Variants in SNTG1 observed in about 807,000 individuals in gnomAD.
SNTG1 encodes syntrophin gamma 1, also known as gamma-1-syntrophin.
A neutral mutation model predicts 74.7 loss-of-function variants in SNTG1; 39 were observed. The observed-to-expected ratio is 0.52, with a 90% CI of 0.40 to 0.68. SNTG1 has a LOEUF of 0.68. SNTG1 is among the 30% of genes least tolerant of loss of function. The pLI, the probability that SNTG1 is intolerant of heterozygous loss-of-function variation, is 0.00. For synonymous variants in SNTG1, 254 were observed against 217.1 expected, an observed-to-expected ratio of 1.17 and a Z score of -1.49; for missense variants, 685 against 609.5, an observed-to-expected ratio of 1.12 and a Z score of -1.30.
intron 2 of SNTG1, among the ~76,000 whole-genome samples, chr8:50,320,426 A>G (rs1040443546): frequency 2.0e-5 from 3 of 152,030 alleles, no homozygotes; most frequent in African/African-American, 7.2e-5. Context: ...GTCTGACTAC[A>G]GATTTGACAA....
chr8:50,435,033 T>C (rs1281081742), intron 4 of SNTG1, among the ~76,000 whole-genome samples: 2 of 152,158 alleles, frequency 1.3e-5, no homozygotes, highest in Admixed American at 6.6e-5. Context: ...ATATAGTTCA[T>C]ACAATCTTTC....
chr8:50,484,391 A>T (rs1465560827), intron 8 of SNTG1, among the ~76,000 whole-genome samples: 1 of 150,792 alleles, frequency 6.6e-6, no homozygotes, highest in African/African-American at 2.4e-5. Context: ...AATTTTTTGT[A>T]TTTAGTAGAG....
At chr8:49,918,767 A>G (rs1277932016) in intron 1 of SNTG1, among the ~76,000 whole-genome samples, 1 of 152,096 alleles carries the variant, frequency 6.6e-6, no homozygotes, top group Non-Finnish European at 1.5e-5. Context: ...TGCCAAAGGG[A>G]AAAACAATTC....
chr8:50,214,502 C>T (rs991471133), intron 2 of SNTG1, among the ~76,000 whole-genome samples: 1 of 151,590 alleles, frequency 6.6e-6, no homozygotes, highest in South Asian at 2.1e-4. Context: ...GTCAGAAAAC[C>T]ACTTTGGACT....
chr8:50,243,688 A>AT (rs34315710), intron 2 of SNTG1, among the ~76,000 whole-genome samples: 49,177 of 150,368 alleles, frequency 0.33, 8,460 homozygotes, highest in African/African-American at 0.45. Context: ...TAATTAATTA[A>AT]TTTTTTTTTT....
rs547521289 is a variant in SNTG1, at chr8:50,196,722, T to A, written c.-28+24087T>A. On this transcript the variant is annotated intron_variant, in intron 2 of 18. Transcript: ENST00000642720. ...TTGTAATCCCAGGACTTCGAGAAGC[T>A]GAGGCCGGTGGATCACTTGAGGTCA... Among the ~76,000 whole-genome samples the A allele has an allele frequency of 1.7e-4, 26 of 150,982 alleles. 1 individual carries two copies. Among genetic ancestry groups the A allele is most frequent in the African/African-American group, 6.3e-4 (26 of 41,114 alleles).
At chr8:50,692,039 A>T (rs951923036) in intron 15 of SNTG1, among the ~76,000 whole-genome samples, 1 of 152,058 alleles carries the variant, frequency 6.6e-6, no homozygotes, top group East Asian at 1.9e-4. Context: ...AGTTGATCTC[A>T]TCAGCTACTG....
In SNTG1 at chr8:50,788,870, G is replaced by A. The variant is rs540487769; in HGVS notation, c.1396-3801G>A. 2.7e-4 allele frequency among the ~76,000 whole-genome samples: 41 copies of A among 151,858 alleles called. No individual in the cohort carries two copies. The Middle Eastern group carries it at 0.014, about 50-fold the overall frequency. ...CTGCGGCCTCAGATCAATTGTCCAGGTTTCCATCCATGTCCAGCCTCTCCA... is the reference window on the plus strand; with the variant it reads ...CTGCGGCCTCAGATCAATTGTCCAGATTTCCATCCATGTCCAGCCTCTCCA... On this transcript the variant is annotated intron_variant, in intron 18 of 18. Coordinates refer to ENST00000642720, the MANE Select transcript of SNTG1 (RefSeq NM_018967.5).
intron 1 of SNTG1, among the ~76,000 whole-genome samples, chr8:50,011,000 T>G (rs563280625): frequency 6.6e-6 from 1 of 152,188 alleles, no homozygotes; most frequent in East Asian, 1.9e-4. Context: ...TGACTTACTG[T>G]GAATGAATAA....
intron 17 of SNTG1, among the ~76,000 whole-genome samples, chr8:50,721,692 C>A (rs952860871): frequency 6.6e-6 from 1 of 152,146 alleles, no homozygotes; most frequent in Non-Finnish European, 1.5e-5. Context: ...TGGAAAATGA[C>A]AGACTTAGTT....
At chr8:50,545,999 G>C (rs1563554252) in intron 11 of SNTG1, among the ~76,000 whole-genome samples, 1 of 152,086 alleles carries the variant, frequency 6.6e-6, no homozygotes, top group Non-Finnish European at 1.5e-5. Context: ...TGTATATTTT[G>C]GGGGATCTGA....
At chr8:50,582,610 G>T (rs955673095) in intron 12 of SNTG1, among the ~76,000 whole-genome samples, 1 of 151,942 alleles carries the variant, frequency 6.6e-6, no homozygotes, top group Non-Finnish European at 1.5e-5. Context: ...TTGAGGTACT[G>T]CAATTTTTCT....
At chr8:50,759,823 T>C (rs2095592733) in intron 18 of SNTG1, among the ~76,000 whole-genome samples, 1 of 152,144 alleles carries the variant, frequency 6.6e-6, no homozygotes, top group African/African-American at 2.4e-5. Context: ...GTCCTGGCTA[T>C]GTGGGCTCTT....
chr8:50,686,626 A>C (rs1464027303), intron 15 of SNTG1, among the ~76,000 whole-genome samples: 1 of 152,118 alleles, frequency 6.6e-6, no homozygotes, highest in Non-Finnish European at 1.5e-5. Flanking sequence ...GTAATGTTTT[A>C]TTTACAATTA....
At chr8:50,219,940 A>C (rs956234316) in intron 2 of SNTG1, among the ~76,000 whole-genome samples, 3 of 152,206 alleles carry the variant, frequency 2.0e-5, no homozygotes, top group Admixed American at 6.5e-5. Context: ...GAGATCAAAC[A>C]TGAAAGTTTA....
At chr8:50,766,400 A>C (rs2095614059) in intron 18 of SNTG1, among the ~76,000 whole-genome samples, 1 of 151,956 alleles carries the variant, frequency 6.6e-6, no homozygotes, top group Admixed American at 6.6e-5. Context: ...CTTACTGCTG[A>C]TTTGGGAATA....
intron 4 of SNTG1, among the ~76,000 whole-genome samples, chr8:50,431,279 G>T (rs1029816597): frequency 2.6e-5 from 4 of 152,128 alleles, no homozygotes; most frequent in Non-Finnish European, 4.4e-5. Flanking sequence ...GTCAATGTGG[G>T]TTTGTCAGTT....
intron 2 of SNTG1, among the ~76,000 whole-genome samples, chr8:50,267,538 G>T (rs1416115332): frequency 6.6e-6 from 1 of 152,144 alleles, no homozygotes; most frequent in Admixed American, 6.6e-5. Context: ...GAAAAAATTA[G>T]AATGCTCATC....
At chr8:50,467,534 C>T (rs1419819028) in intron 8 of SNTG1, among the ~76,000 whole-genome samples, 1 of 151,664 alleles carries the variant, frequency 6.6e-6, no homozygotes, top group Non-Finnish European at 1.5e-5. Context: ...CTCTTTATTT[C>T]TTGGTGAGTT....
Sources: allele counts gnomAD v4.1 joint callset (sites outside exome capture counted in the v4.1 genomes callset), GRCh38; gene constraint gnomAD v4.1.1; transcripts MANE v1.5; gene names NCBI Gene and HGNC (gene_info 2026-07-23, HGNC 2026-07-21).